Variants in CNTN5 observed in about 807,000 individuals in gnomAD.
CNTN5 encodes contactin-5.
In CNTN5, 77 loss-of-function variants were observed where a neutral mutation model predicts 129.1. That is an observed-to-expected ratio of 0.60 (90% CI 0.50 to 0.72). The LOEUF is 0.72. CNTN5 is among the 30% of genes least tolerant of loss of function. The pLI, the probability that CNTN5 is intolerant of heterozygous loss-of-function variation, is 0.00. For synonymous variants in CNTN5, 509 were observed against 465.6 expected (o/e 1.09, Z -1.20); for missense variants, 1,478 against 1,328.8 (o/e 1.11, Z -1.75).
intron 3 of CNTN5, among the ~76,000 whole-genome samples, chr11:99,559,784 C>G (rs1291813015): frequency 6.6e-6 from 1 of 151,870 alleles, no homozygotes; most frequent in Admixed American, 6.6e-5. Flanking sequence ...TAATAATAAC[C>G]CCAAACTGGA....
At chr11:99,559,961 AC>A (rs1948787666) in intron 3 of CNTN5, among the ~76,000 whole-genome samples, 1 of 152,212 alleles carries the variant, frequency 6.6e-6, no homozygotes, top group African/African-American at 2.4e-5. Flanking sequence ...TGAACAGACT[AC>A]ATGCTATATG....
chr11:99,249,390 A>G (rs902452544), intron 1 of CNTN5, among the ~76,000 whole-genome samples: 2 of 152,092 alleles, frequency 1.3e-5, no homozygotes, highest in African/African-American at 2.4e-5. Flanking sequence ...TCAATGACCT[A>G]AAAACTGTTG....
chr11:99,896,232 T>C (rs1398288960), intron 6 of CNTN5, among the ~76,000 whole-genome samples: 1 of 152,184 alleles, frequency 6.6e-6, no homozygotes, highest in African/African-American at 2.4e-5. Context: ...CTGCCTTCAC[T>C]GCTCTCTGCC....
intron 13 of CNTN5, among the ~76,000 whole-genome samples, chr11:100,084,757 T>C (rs2137952804): frequency 6.6e-6 from 1 of 152,270 alleles, no homozygotes; most frequent in East Asian, 1.9e-4. Flanking sequence ...ATTACTATGT[T>C]ATTAGTTAAT....
chr11:99,783,750 C>A (rs1440309153), intron 3 of CNTN5, among the ~76,000 whole-genome samples: 1 of 149,458 alleles, frequency 6.7e-6, no homozygotes, highest in African/African-American at 2.5e-5. Context: ...TATTCTCACT[C>A]ATAGGTGGGA....
rs547044281 is a variant in CNTN5 at position 99,493,013 on chromosome 11, T to C, written c.-70-63132T>C. Among the ~76,000 whole-genome samples the C allele has an allele frequency of 3.9e-5, 6 of 152,292 alleles. No individual in the cohort carries two copies. The East Asian group carries it at 1.2e-3, about 29-fold the overall frequency. Reference sequence around the variant, plus strand: ...CTTTAAAGGAAGGTCAGATAATTCTTTAATGGTTTGTTTCAGGGGAGAAAT... The same window carrying C: ...CTTTAAAGGAAGGTCAGATAATTCTCTAATGGTTTGTTTCAGGGGAGAAAT... On this transcript the variant is annotated intron_variant, in intron 2 of 24. Transcript: ENST00000524871.
At chr11:99,841,824 GTATA>G (rs772414337) in intron 4 of CNTN5, among the ~76,000 whole-genome samples, 1 of 138,414 alleles carries the variant, frequency 7.2e-6, no homozygotes, top group Non-Finnish European at 1.5e-5. Context: ...ATATATGTGT[GTATA>G]TATATATACA....
intron 1 of CNTN5, among the ~76,000 whole-genome samples, chr11:99,134,788 A>G (rs1859134265): frequency 6.6e-6 from 1 of 152,206 alleles, no homozygotes; most frequent in African/African-American, 2.4e-5. Context: ...TTGTGGAACA[A>G]TGCACAGCCA....
In CNTN5 at chr11:99,784,201, T is replaced by A. The variant is rs554494138; in HGVS notation, c.56-35343T>A. Among the ~76,000 whole-genome samples the A allele has an allele frequency of 1.3e-5, 2 of 152,212 alleles. 1 individual carries two copies. The highest frequency in any genetic ancestry group is 3.9e-4 in the East Asian group (2 of 5,098). The stretch of plus-strand genomic sequence containing the variant: ...GGATACATGTGCAGAATGCGCAGGT[T>A]TGTTACTTAGGTATACATGTGCCAT... On this transcript the variant is annotated intron_variant, in intron 3 of 24. Transcript: ENST00000524871.
intron 1 of CNTN5, among the ~76,000 whole-genome samples, chr11:99,312,136 A>C (rs1464321625): frequency 6.6e-6 from 1 of 152,208 alleles, no homozygotes; most frequent in Non-Finnish European, 1.5e-5. Flanking sequence ...ATAAAACATG[A>C]ATATATATTT....
chr11:99,266,306 T>C (rs780102148), intron 1 of CNTN5, among the ~76,000 whole-genome samples: 3 of 152,092 alleles, frequency 2.0e-5, no homozygotes, highest in Non-Finnish European at 2.9e-5. Flanking sequence ...TGATTTCAAG[T>C]ATAGAGGACA....
chr11:99,923,376 T>C lies in CNTN5; in HGVS notation c.673+7227T>C, dbSNP rs189226768. Among the ~76,000 whole-genome samples, 1,048 of 152,318 alleles carry C rather than the reference T, an allele frequency of 6.9e-3. 6 individuals carry two copies. Among genetic ancestry groups the C allele is most frequent in the Non-Finnish European group, 0.012 (841 of 68,012 alleles). ...AGTAATTTTGAAATTGAGGGTTATA[T>C]TGTAAAGGAAGGCTTTGTGAAAATG... On this transcript the variant is annotated intron_variant, in intron 7 of 24. Coordinates refer to ENST00000524871, the MANE Select transcript of CNTN5 (RefSeq NM_014361.4).
chr11:100,346,383 T>A (rs1046781710), intron 23 of CNTN5, among the ~76,000 whole-genome samples: 1 of 152,118 alleles, frequency 6.6e-6, no homozygotes, highest in Non-Finnish European at 1.5e-5. Context: ...TGAAAGTAAT[T>A]TACCCAGGTT....
At chr11:100,317,199 T>G (rs1390334382) in intron 21 of CNTN5, among the ~76,000 whole-genome samples, 1 of 152,186 alleles carries the variant, frequency 6.6e-6, no homozygotes. Context: ...CTGACTCTAA[T>G]CATTAGAGAA....
At chr11:99,502,390 G>T (rs546153574) in intron 2 of CNTN5, among the ~76,000 whole-genome samples, 1 of 152,102 alleles carries the variant, frequency 6.6e-6, no homozygotes, top group Admixed American at 6.6e-5. Flanking sequence ...AGGGAGGGAC[G>T]AGATGGAGGT....
At chr11:99,801,708 G>T (rs1466960841) in intron 3 of CNTN5, among the ~76,000 whole-genome samples, 1 of 152,002 alleles carries the variant, frequency 6.6e-6, no homozygotes, top group African/African-American at 2.4e-5. Flanking sequence ...CTTGTGCTTG[G>T]TGCAGTCTAT....
At chr11:100,154,086 C>A (rs959007210) in intron 13 of CNTN5, among the ~76,000 whole-genome samples, 1 of 151,992 alleles carries the variant, frequency 6.6e-6, no homozygotes, top group Admixed American at 6.6e-5. Flanking sequence ...GGTATTTCTC[C>A]TAATGCTATC....
chr11:99,164,136 G>T (rs534523631), intron 1 of CNTN5, among the ~76,000 whole-genome samples: 1 of 151,990 alleles, frequency 6.6e-6, no homozygotes, highest in Admixed American at 6.6e-5. Flanking sequence ...GACCAGCCTG[G>T]CCAACATGGT....
rs1952583438 is a variant in CNTN5 at position 100,358,855 on chromosome 11, T to A, written c.*2635T>A. 1 of 151,942 alleles carries A rather than the reference T, an allele frequency of 6.6e-6. No homozygotes were observed. Among genetic ancestry groups the A allele is most frequent in the Non-Finnish European group, 1.5e-5 (1 of 67,868 alleles). 9.4% of individuals were successfully genotyped at this position (151,942 alleles called of 1,614,324 possible). ...CTGTTCTTGTAACATTAGATCTTTT[T>A]AATAAATAATTCTCTTTTTATTGAC... On this transcript the variant is annotated 3_prime_UTR_variant, in exon 25 of 25. Transcript: ENST00000524871.
Sources: gnomAD v4.1 joint callset for allele counts (sites outside exome capture counted in the v4.1 genomes callset) on GRCh38, gnomAD v4.1.1 for gene constraint, MANE v1.5 for transcripts, NCBI Gene and HGNC (gene_info 2026-07-23, HGNC 2026-07-21) for gene names.